The following TTC28 variants were observed in gnomAD, a reference collection of about 807,000 sequenced individuals.
TTC28 encodes tetratricopeptide repeat protein 28.
TTC28 carries 61 observed loss-of-function variants against 198.0 expected under a neutral mutation model. The ratio of observed to expected loss-of-function variants is 0.31; its 90% CI spans 0.25 to 0.38. TTC28 has a LOEUF of 0.38. Among genes scored for constraint, TTC28 ranks in the 10% least tolerant of loss-of-function variants. TTC28 has a pLI of 1.00. For missense variants in TTC28, 2,678 were observed against 3,164.0 expected (o/e 0.85, Z 3.69); for synonymous variants, 1,171 against 1,297.8 (o/e 0.90, Z 2.10).
chr22:28,538,083 ATC>A (rs2049333608), intron 2 of TTC28, among the ~76,000 whole-genome samples: 2 of 152,192 alleles, frequency 1.3e-5, no homozygotes, highest in African/African-American at 4.8e-5. Flanking sequence ...TTATAGGTAT[ATC>A]TCTTTTAGAT....
At position 27,998,681 on chromosome 22, in the gene TTC28, C is replaced by T. The variant is rs1210067905; in HGVS notation, c.4978G>A (p.Val1660Met). The T allele has an allele frequency of 6.4e-7, 1 of 1,550,920 alleles. No individual in the cohort carries two copies. Among genetic ancestry groups the T allele is most frequent in the Non-Finnish European group, 8.7e-7 (1 of 1,147,006 alleles). ...AQCVLVSLWPVPVAASKMFIH... is the reference protein window; with the variant it reads ...AQCVLVSLWPMPVAASKMFIH... ...AACATCTTAGAAGCAGCCACTGGCA[C>T]AGGCCACAGAGACACGAGGACACAC... is the stretch of plus-strand genomic sequence containing the variant. The change falls in exon 16 of 23, where the codon GTG becomes ATG. Residue 1660 changes from valine to methionine, a missense_variant. Physicochemically the swap from Val to Met is conservative, Grantham distance 21 (BLOSUM62 1). Transcript: ENST00000397906.
At chr22:28,344,508 T>C (rs1218889523) in intron 2 of TTC28, among the ~76,000 whole-genome samples, 1 of 152,188 alleles carries the variant, frequency 6.6e-6, no homozygotes, top group African/African-American at 2.4e-5. Flanking sequence ...TCTAACATGC[T>C]GAAAGATCTA....
chr22:28,530,187 A>G (rs1175711168), intron 2 of TTC28, among the ~76,000 whole-genome samples: 1 of 152,204 alleles, frequency 6.6e-6, no homozygotes, highest in Non-Finnish European at 1.5e-5. Flanking sequence ...ATGGCTAACT[A>G]GAATAAACAG....
intron 5 of TTC28, among the ~76,000 whole-genome samples, chr22:28,269,823 G>A (rs1471184136): frequency 6.6e-6 from 1 of 152,082 alleles, no homozygotes; most frequent in African/African-American, 2.4e-5. Context: ...CTAGTGTTCT[G>A]GATCCAAATC....
At chr22:28,506,189 G>A (rs2048610477) in intron 2 of TTC28, among the ~76,000 whole-genome samples, 1 of 151,990 alleles carries the variant, frequency 6.6e-6, no homozygotes, top group African/African-American at 2.4e-5. Flanking sequence ...CACCATCTCT[G>A]CAGTTCAGCA....
At chr22:28,288,374 T>C (rs1184275118) in intron 5 of TTC28, among the ~76,000 whole-genome samples, 2 of 152,196 alleles carry the variant, frequency 1.3e-5, no homozygotes, top group Non-Finnish European at 2.9e-5. Context: ...ACTTCCTAAA[T>C]CTAAACATCA....
intron 6 of TTC28, among the ~76,000 whole-genome samples, chr22:28,112,914 T>C (rs1338792575): frequency 1.3e-5 from 2 of 152,152 alleles, no homozygotes; most frequent in Non-Finnish European, 1.5e-5. Flanking sequence ...CACATGGTTA[T>C]GAATTTATAC....
At chr22:28,540,899 T>A (rs1373273069) in intron 2 of TTC28, among the ~76,000 whole-genome samples, 1 of 152,182 alleles carries the variant, frequency 6.6e-6, no homozygotes, top group Non-Finnish European at 1.5e-5. Context: ...TCTTTCCAGA[T>A]CCAGTCTTCA....
At chr22:27,990,926 A>C (rs891049511) in intron 19 of TTC28, 114 bp from the exon 20 acceptor site, 1 of 1,075,128 alleles carries the variant, frequency 9.3e-7, no homozygotes, top group African/African-American at 1.6e-5. Context: ...GCGCCACACC[A>C]GGCCCGCGGC....
chr22:28,398,022 A>G (rs1171770825), intron 2 of TTC28, among the ~76,000 whole-genome samples: 1 of 152,192 alleles, frequency 6.6e-6, no homozygotes, highest in Non-Finnish European at 1.5e-5. Context: ...ATCCCCCAAG[A>G]GCCTAGTTCA....
At position 28,611,520 on chromosome 22, in the gene TTC28, T is replaced by A. The variant is rs1200940980; in HGVS notation, c.381+18032A>T. 3.5e-5 allele frequency among the ~76,000 whole-genome samples: 5 copies of A among 142,326 alleles called. No individual in the cohort carries two copies. The South Asian group carries it at 6.7e-4, about 19-fold the overall frequency. 93.4% of individuals were successfully genotyped at this position (142,326 alleles called of 152,430 possible). On this transcript the variant is annotated intron_variant, in intron 2 of 22. Coordinates refer to ENST00000397906, the MANE Select transcript of TTC28 (RefSeq NM_001145418.2). Reference sequence around the variant, plus strand: ...CTTTTTTTTAATTTTTTTTTTTTTTTATTATACTCTAAGTTTTAGGGTACA... The same window carrying A: ...CTTTTTTTTAATTTTTTTTTTTTTTAATTATACTCTAAGTTTTAGGGTACA...
At chr22:28,482,915 T>C (rs2048271483) in intron 2 of TTC28, among the ~76,000 whole-genome samples, 1 of 152,240 alleles carries the variant, frequency 6.6e-6, no homozygotes, top group Non-Finnish European at 1.5e-5. Context: ...TTCATTCCTT[T>C]TTATGGCTGA....
chr22:28,614,019 T>C (rs1348228559), intron 2 of TTC28, among the ~76,000 whole-genome samples: 3 of 152,230 alleles, frequency 2.0e-5, no homozygotes, highest in Admixed American at 6.5e-5. Flanking sequence ...TGTTTCCAGA[T>C]GACATGATTG....
In TTC28 at chr22:28,096,103, T is replaced by C. The variant is rs149281812; in HGVS notation, c.3766+87A>G. 765 of 1,436,838 alleles carry C rather than the reference T, an allele frequency of 5.3e-4. 4 individuals carry two copies. In the African/African-American group the frequency reaches 7.2e-3, roughly 14 times the overall value. The allele number at this position is 1,436,838 out of a possible 1,614,324, so 89.0% of individuals were successfully genotyped here. A position where few individuals can be genotyped will look rare whatever the true frequency, so the allele number is the denominator to read the frequency against. On this transcript the variant is annotated intron_variant, in intron 11 of 22. Transcript: ENST00000397906. ...GACATCAGTTCCTTAGTATGATCTA[T>C]GATAATGCACCTATTCCACCTCTAT...
At chr22:28,318,783 G>A (rs73168155) in intron 2 of TTC28, among the ~76,000 whole-genome samples, 3,989 of 149,796 alleles carry the variant, frequency 0.027, 69 homozygotes, top group Non-Finnish European at 0.042. Flanking sequence ...AACATGGGAC[G>A]GAGAAAAATG....
At chr22:28,444,221 A>G (rs2047669529) in intron 2 of TTC28, among the ~76,000 whole-genome samples, 1 of 152,202 alleles carries the variant, frequency 6.6e-6, no homozygotes, top group Non-Finnish European at 1.5e-5. Context: ...GATAGCTGGG[A>G]ATATAATGGG....
chr22:28,486,788 C>T (rs949580760), intron 2 of TTC28, among the ~76,000 whole-genome samples: 9 of 152,050 alleles, frequency 5.9e-5, no homozygotes, highest in African/African-American at 1.4e-4. Context: ...TCCATTTTCA[C>T]GTAGGTACAA....
intron 5 of TTC28, among the ~76,000 whole-genome samples, chr22:28,194,240 C>G (rs1186084337): frequency 6.6e-6 from 1 of 152,084 alleles, no homozygotes; most frequent in Non-Finnish European, 1.5e-5. Context: ...CCAATGAGAA[C>G]AAAGACACTA....
At chr22:28,269,332 C>T (rs1931898918) in intron 5 of TTC28, among the ~76,000 whole-genome samples, 1 of 152,032 alleles carries the variant, frequency 6.6e-6, no homozygotes, top group African/African-American at 2.4e-5. Context: ...CAACGAGAAA[C>T]ATTGCTTTAC....
Sources: allele counts gnomAD v4.1 joint callset (sites outside exome capture counted in the v4.1 genomes callset), GRCh38; gene constraint gnomAD v4.1.1; transcripts MANE v1.5; gene names NCBI Gene and HGNC (gene_info 2026-07-23, HGNC 2026-07-21).